Variants in LRRC1 observed in about 807,000 individuals in gnomAD.
LRRC1 encodes the protein leucine-rich repeat-containing protein 1.
A neutral mutation model predicts 69.9 loss-of-function variants in LRRC1; 28 were observed. The observed-to-expected ratio is 0.40, with a 90% CI of 0.30 to 0.55. The LOEUF (loss-of-function observed/expected upper bound fraction) is 0.55. Ranked by LOEUF, LRRC1 falls within the 20% of genes least tolerant of loss-of-function variation. LRRC1 has a pLI of 0.47. For missense variants in LRRC1, 498 were observed against 609.0 expected, an observed-to-expected ratio of 0.82 and a Z score of 1.92; for synonymous variants, 236 against 240.2, an observed-to-expected ratio of 0.98 and a Z score of 0.16.
At chr6:53,893,508 A>C (rs1241868302) in intron 4 of LRRC1, among the ~76,000 whole-genome samples, 1 of 152,162 alleles carries the variant, frequency 6.6e-6, no homozygotes, top group African/African-American at 2.4e-5. Flanking sequence ...CAGGTTGAGC[A>C]CTCCAAATCC....
chr6:53,871,062 G>A (rs945292396), intron 2 of LRRC1, among the ~76,000 whole-genome samples: 4 of 152,062 alleles, frequency 2.6e-5, no homozygotes, highest in Admixed American at 1.3e-4. Context: ...GGTTGATTCC[G>A]TGTCTTGACT....
At position 53,899,747 on chromosome 6, in the gene LRRC1, GA is replaced by G; in HGVS notation, c.646del (p.Ile216Ter). On this transcript the variant is annotated frameshift_variant and splice_region_variant, in exon 8 of 14. Coordinates refer to ENST00000370888, the MANE Select transcript of LRRC1 (RefSeq NM_018214.5). LOFTEE classifies it high-confidence loss of function. ...TTATTTTTCCATGTCATTGTTATAG[GA>G]AATAGGAAATCTGAAGAACCTGCTG... ...DGNQLSELPQ[E>X]IGNLKNLLCL... 6.2e-7 allele frequency: 1 copy of G among 1,613,570 alleles called. No individual in the cohort carries two copies. The highest frequency in any genetic ancestry group is 1.3e-5 in the African/African-American group (1 of 74,990).
At position 53,842,129 on chromosome 6, in the gene LRRC1, A is replaced by G. The variant is rs1765808125; in HGVS notation, c.179A>G (p.Lys60Arg). ...TTTCAGCAATTTTTCCAGCTAGTCA[A>G]ATTACGAAAGCTTGGACTTAGTGAT... The part of the protein sequence containing the change: ...ELPEQFFQLV[K>R]LRKLGLSDNE... Residue 60 changes from lysine (K) to arginine (R), a missense_variant, in exon 2 of 14, where the codon AAA becomes AGA. Physicochemically the swap from Lys to Arg is conservative, Grantham distance 26. Around this residue, in one of 3 missense-constraint regions of LRRC1, gnomAD observed 266 missense variants for 383.9 expected, o/e 0.69. Coordinates refer to ENST00000370888, the MANE Select transcript of LRRC1 (RefSeq NM_018214.5). 1 of 1,612,870 alleles carries G rather than the reference A, an allele frequency of 6.2e-7. No homozygotes were observed. Among genetic ancestry groups the G allele is most frequent in the African/African-American group, 1.3e-5 (1 of 74,882 alleles).
rs567013077 is a variant in LRRC1, at chr6:53,885,968, T to C, written c.446+2992T>C. ...GGACAGTTGGTTCCTGGGGCCCTTA[T>C]GGGCTCAGTAACTTTCTTTTAATAC... On this transcript the variant is annotated intron_variant, in intron 4 of 13. Coordinates refer to ENST00000370888, the MANE Select transcript of LRRC1 (RefSeq NM_018214.5). 2.6e-5 allele frequency among the ~76,000 whole-genome samples: 4 copies of C among 152,318 alleles called. No homozygotes were observed. In the South Asian group the frequency reaches 8.3e-4, roughly 32 times the overall value.
chr6:53,923,045 T>C lies in LRRC1; in HGVS notation c.*252T>C. ...GTTTGTAATAAGTAGAATACACTACTGTAAACATACGACCTTTGTTTTTGT... is the reference window on the plus strand; with the variant it reads ...GTTTGTAATAAGTAGAATACACTACCGTAAACATACGACCTTTGTTTTTGT... On this transcript the variant is annotated 3_prime_UTR_variant, in exon 14 of 14. Transcript: ENST00000370888. 2 of 352,960 alleles carry C rather than the reference T, an allele frequency of 5.7e-6. No individual in the cohort carries two copies. The highest frequency in any genetic ancestry group is 4.4e-5 in the Admixed American group (1 of 22,874). The allele number at this position is 352,960 out of a possible 1,614,324, so 21.9% of individuals were successfully genotyped here.
intron 10 of LRRC1, among the ~76,000 whole-genome samples, chr6:53,909,055 G>A (rs1447734577): frequency 3.9e-5 from 6 of 152,116 alleles, no homozygotes; most frequent in Non-Finnish European, 8.8e-5. Flanking sequence ...GCAATTCCAC[G>A]TCTAGGAAAA....
At chr6:53,877,366 A>C (rs1262528801) in intron 2 of LRRC1, among the ~76,000 whole-genome samples, 2 of 152,156 alleles carry the variant, frequency 1.3e-5, no homozygotes, top group East Asian at 3.9e-4. Flanking sequence ...TGCCCTGGAG[A>C]CATTTTTGTC....
chr6:53,812,429 G>A (rs1201039353), intron 1 of LRRC1, among the ~76,000 whole-genome samples: 1 of 151,968 alleles, frequency 6.6e-6, no homozygotes, highest in Non-Finnish European at 1.5e-5. Context: ...GGTGGCTCAC[G>A]CCTGTAATCC....
intron 1 of LRRC1, among the ~76,000 whole-genome samples, chr6:53,805,135 C>T (rs147443521): frequency 3.2e-4 from 49 of 152,180 alleles, no homozygotes; most frequent in African/African-American, 1.1e-3. Context: ...GTATTTGTGC[C>T]AGATCTTTGG....
At chr6:53,826,718 C>T (rs1259981859) in intron 1 of LRRC1, among the ~76,000 whole-genome samples, 3 of 152,132 alleles carry the variant, frequency 2.0e-5, no homozygotes, top group Non-Finnish European at 4.4e-5. Flanking sequence ...TTTAGACATA[C>T]ATTTTGTAAT....
intron 2 of LRRC1, among the ~76,000 whole-genome samples, chr6:53,858,225 A>G (rs1766379809): frequency 6.6e-6 from 1 of 151,856 alleles, no homozygotes; most frequent in South Asian, 2.1e-4. Context: ...TACTAATTGC[A>G]TTTATCTCAT....
In LRRC1 at chr6:53,879,085, T is replaced by C. The variant is rs764531379; in HGVS notation, c.356+14T>C. 1 of 1,595,492 alleles carries C rather than the reference T, an allele frequency of 6.3e-7. No individual in the cohort carries two copies. The highest frequency in any genetic ancestry group is 1.1e-5 in the South Asian group (1 of 90,274). ...CCCACTGACTAGGTAAGCTTTCTGC[T>C]TACTTTTCTGTCTATACTAGTAAGA... On this transcript the variant is annotated intron_variant, in intron 3 of 13. Coordinates refer to ENST00000370888, the MANE Select transcript of LRRC1 (RefSeq NM_018214.5).
chr6:53,922,706 A>C lies in LRRC1; in HGVS notation c.1488A>C (p.Leu496Phe). Residue 496 changes from leucine (L) to phenylalanine (F), a missense_variant, in exon 14 of 14, where the codon TTA becomes TTC. Leu to Phe is a conservative substitution (Grantham distance 22). Coordinates refer to ENST00000370888, the MANE Select transcript of LRRC1 (RefSeq NM_018214.5). Reference protein sequence around the residue: ...LKHMKKTVENLRNDMNAAKGL... With the variant: ...LKHMKKTVENFRNDMNAAKGL... The stretch of plus-strand genomic sequence containing the variant: ...ACATGAAAAAGACAGTGGAGAATTT[A>C]CGGAATGACATGAATGCTGCTAAAG... 6.2e-7 allele frequency: 1 copy of C among 1,614,148 alleles called. No individual in the cohort carries two copies. The highest frequency in any genetic ancestry group is 8.5e-7 in the Non-Finnish European group (1 of 1,179,974).
chr6:53,867,250 A>G (rs1766731125), intron 2 of LRRC1, among the ~76,000 whole-genome samples: 1 of 152,056 alleles, frequency 6.6e-6, no homozygotes. Context: ...TGTGCCTCAC[A>G]CTTAGTAGGC....
At chr6:53,839,300 T>G (rs567616125) in intron 1 of LRRC1, among the ~76,000 whole-genome samples, 3 of 152,208 alleles carry the variant, frequency 2.0e-5, no homozygotes, top group African/African-American at 7.2e-5. Flanking sequence ...TGTATGATTA[T>G]ATAAATATAC....
intron 2 of LRRC1, among the ~76,000 whole-genome samples, chr6:53,849,615 T>TA (rs1766063416): frequency 6.6e-6 from 1 of 152,150 alleles, no homozygotes; most frequent in African/African-American, 2.4e-5. Flanking sequence ...GCTCTCCTCT[T>TA]ACTGAGCTAG....
intron 1 of LRRC1, among the ~76,000 whole-genome samples, chr6:53,798,631 A>T (rs1764373782): frequency 6.6e-6 from 1 of 152,128 alleles, no homozygotes; most frequent in African/African-American, 2.4e-5. Flanking sequence ...CACCCGCCTT[A>T]GCCTCCCAAA....
At chr6:53,844,269 G>A (rs1296068108) in intron 2 of LRRC1, among the ~76,000 whole-genome samples, 1 of 152,186 alleles carries the variant, frequency 6.6e-6, no homozygotes, top group Non-Finnish European at 1.5e-5. Context: ...TTGTAAAATG[G>A]TCACGAAAGT....
chr6:53,797,853 C>T (rs1764347390), intron 1 of LRRC1, among the ~76,000 whole-genome samples: 1 of 152,204 alleles, frequency 6.6e-6, no homozygotes, highest in Non-Finnish European at 1.5e-5. Flanking sequence ...GAGTTAGATG[C>T]AGTTGCTGGT....
Sources: gnomAD v4.1 joint callset for allele counts (sites outside exome capture counted in the v4.1 genomes callset) on GRCh38, gnomAD v4.1.1 for gene constraint, gnomAD v4.1.1 regional missense constraint, MANE v1.5 for transcripts, NCBI Gene and HGNC (gene_info 2026-07-23, HGNC 2026-07-21) for gene names.